Variants in NELL2 observed in about 807,000 individuals in gnomAD.
NELL2 encodes neural EGFL like 2.
In NELL2, 41 loss-of-function variants were observed where a neutral mutation model predicts 109.6. The ratio of observed to expected loss-of-function variants is 0.37; its 90% CI spans 0.29 to 0.49. The LOEUF (loss-of-function observed/expected upper bound fraction) is 0.49, where lower values mean the gene tolerates loss of function less well. NELL2 is among the 20% of genes least tolerant of loss of function. NELL2 has a pLI of 0.98. For missense variants in NELL2, 900 were observed against 1,008.3 expected, an observed-to-expected ratio of 0.89 and a Z score of 1.45; for synonymous variants, 355 against 344.7, an observed-to-expected ratio of 1.03 and a Z score of -0.33.
chr12:44,672,638 T>C (rs1948179172), intron 12 of NELL2, among the ~76,000 whole-genome samples: 1 of 152,222 alleles, frequency 6.6e-6, no homozygotes. Flanking sequence ...ACTTAAGAGA[T>C]GGGAACTTTG....
At chr12:44,878,453 A>T (rs745589733), upstream of NELL2, among the ~76,000 whole-genome samples, 2 of 152,238 alleles carry the variant, frequency 1.3e-5, no homozygotes, top group Non-Finnish European at 2.9e-5. Flanking sequence ...AGGAGTTTTC[A>T]ACATTATAAC....
intron 3 of NELL2, among the ~76,000 whole-genome samples, chr12:44,794,259 C>T (rs1942538264): frequency 6.6e-6 from 1 of 152,138 alleles, no homozygotes; most frequent in Non-Finnish European, 1.5e-5. Context: ...AATGAGCTGA[C>T]TTAAGAAAGC....
chr12:44,557,140 C>G (rs1359545542), intron 15 of NELL2, among the ~76,000 whole-genome samples: 1 of 152,144 alleles, frequency 6.6e-6, no homozygotes, highest in African/African-American at 2.4e-5. Flanking sequence ...ATGAAATGTC[C>G]TGGTCCCAGC....
In NELL2 at chr12:44,587,307, AT is replaced by A. The variant is rs67322195; in HGVS notation, c.1663+19861del. 6.0e-4 allele frequency among the ~76,000 whole-genome samples: 58 copies of A among 96,642 alleles called. 1 individual carries two copies. Among genetic ancestry groups the A allele is most frequent in the African/African-American group, 2.1e-3 (50 of 23,994 alleles). The allele number at this position is 96,642 out of a possible 152,430, so 63.4% of individuals were successfully genotyped here. A position where few individuals can be genotyped will look rare whatever the true frequency, so the allele number is the denominator to read the frequency against. ...AAAATATATATATATATATATATAT[AT>A]TTTTTTTTAAATATGAAGTTATATA... On this transcript the variant is annotated intron_variant, in intron 15 of 19. Coordinates refer to ENST00000429094, the MANE Select transcript of NELL2 (RefSeq NM_001145108.2).
chr12:44,747,629 G>A (rs1305279023), intron 9 of NELL2, among the ~76,000 whole-genome samples: 1 of 152,010 alleles, frequency 6.6e-6, no homozygotes, highest in African/African-American at 2.4e-5. Context: ...CAGCATCCCT[G>A]ACCTCCACAC....
intron 13 of NELL2, among the ~76,000 whole-genome samples, chr12:44,615,603 GT>G (rs967883038): frequency 7.2e-4 from 109 of 151,926 alleles, no homozygotes; most frequent in African/African-American, 2.5e-3. Context: ...TAATGCTTGT[GT>G]TTTTCCCAAT....
rs150537713 is a variant in NELL2, at chr12:44,839,435, C to T, written c.185-23299G>A. ...AAAAAGAATTATTTGTAACAATGAC[C>T]CAGATCAATGGTTTAAACATCCATA... is the stretch of plus-strand genomic sequence containing the variant. On this transcript the variant is annotated intron_variant, in intron 2 of 19. Transcript: ENST00000429094. Among the ~76,000 whole-genome samples the T allele has an allele frequency of 3.0e-3, 463 of 152,076 alleles. 3 individuals are homozygous for T. The highest frequency in any genetic ancestry group is 0.011 in the African/African-American group (436 of 41,494).
chr12:44,889,045 G>T (rs748345826), intron 1 of NELL2, among the ~76,000 whole-genome samples: 7 of 151,906 alleles, frequency 4.6e-5, no homozygotes, highest in Admixed American at 6.6e-5. Flanking sequence ...ACTGCTGGGG[G>T]TCAAGTCTAC....
intron 19 of NELL2, among the ~76,000 whole-genome samples, chr12:44,511,173 C>T (rs1430231419): frequency 6.6e-6 from 1 of 152,064 alleles, no homozygotes. Context: ...ATATGTTCTG[C>T]TATAACAGGA....
At chr12:44,602,406 G>T (rs1945253606) in intron 15 of NELL2, among the ~76,000 whole-genome samples, 1 of 152,086 alleles carries the variant, frequency 6.6e-6, no homozygotes, top group Admixed American at 6.5e-5. Context: ...AGAACTAGAA[G>T]CAAAGCTTCC....
intron 15 of NELL2, among the ~76,000 whole-genome samples, chr12:44,554,952 AG>A (rs1943189298): frequency 6.6e-6 from 1 of 152,226 alleles, no homozygotes; most frequent in Non-Finnish European, 1.5e-5. Context: ...TCACAGACAC[AG>A]GTTTAGAAAC....
chr12:44,892,064 A>G (rs926369572), intron 1 of NELL2, among the ~76,000 whole-genome samples: 2 of 152,216 alleles, frequency 1.3e-5, no homozygotes, highest in African/African-American at 4.8e-5. Context: ...ACACTGGGCA[A>G]GACATCTGGT....
At chr12:44,821,469 TTAAG>T (rs1019158536) in intron 2 of NELL2, among the ~76,000 whole-genome samples, 2 of 152,230 alleles carry the variant, frequency 1.3e-5, no homozygotes, top group East Asian at 1.9e-4. Flanking sequence ...TTTTAGTTCT[TTAAG>T]TAAGTAGGTG....
intron 9 of NELL2, among the ~76,000 whole-genome samples, chr12:44,759,353 G>T (rs576525236): frequency 5.3e-5 from 8 of 152,274 alleles, no homozygotes; most frequent in African/African-American, 1.9e-4. Context: ...AAGTAACAAT[G>T]TCTGAATTCC....
chr12:44,710,991 T>C (rs947820606), intron 11 of NELL2, among the ~76,000 whole-genome samples: 8 of 152,244 alleles, frequency 5.3e-5, no homozygotes, highest in Non-Finnish European at 4.4e-5. Flanking sequence ...TGTGTAACTT[T>C]CTTTAGCAAA....
intron 13 of NELL2, among the ~76,000 whole-genome samples, chr12:44,643,110 T>C (rs1946921624): frequency 6.6e-6 from 1 of 152,202 alleles, no homozygotes. Flanking sequence ...GAAAATTTTA[T>C]ATTATGTATT....
At chr12:44,865,979 G>A (rs1431947683) in intron 2 of NELL2, among the ~76,000 whole-genome samples, 3 of 151,960 alleles carry the variant, frequency 2.0e-5, no homozygotes, top group Non-Finnish European at 4.4e-5. Flanking sequence ...CAAGAGGTGG[G>A]GCCTTTTGGA....
At chr12:44,635,026 A>G (rs910763318) in intron 13 of NELL2, among the ~76,000 whole-genome samples, 3 of 152,102 alleles carry the variant, frequency 2.0e-5, no homozygotes, top group Non-Finnish European at 2.9e-5. Flanking sequence ...ACATTTTTCT[A>G]ATGACCAGTG....
At chr12:44,536,245 T>C (rs777159286) in intron 15 of NELL2, among the ~76,000 whole-genome samples, 39 of 152,164 alleles carry the variant, frequency 2.6e-4, no homozygotes, top group Admixed American at 1.3e-3. Context: ...AAATACTTAG[T>C]AAATAAAGAA....
Sources: allele counts gnomAD v4.1 joint callset (sites outside exome capture counted in the v4.1 genomes callset), GRCh38; gene constraint gnomAD v4.1.1; transcripts MANE v1.5; gene names NCBI Gene and HGNC (gene_info 2026-07-23, HGNC 2026-07-21).